The following MYT1L variants were observed in gnomAD, a reference collection of about 807,000 sequenced individuals.
The protein encoded by MYT1L is myelin transcription factor 1-like protein.
MYT1L carries 12 observed loss-of-function variants against 126.7 expected under a neutral mutation model. That is an observed-to-expected ratio of 0.09 (90% CI 0.06 to 0.15). MYT1L has a LOEUF of 0.15. Among genes scored for constraint, MYT1L ranks in the 10% least tolerant of loss-of-function variants. The pLI, the probability that MYT1L is intolerant of heterozygous loss-of-function variation, is 1.00. For synonymous variants in MYT1L, 541 were observed against 604.2 expected (o/e 0.90, Z 1.53); for missense variants, 979 against 1,585.2 (o/e 0.62, Z 6.49).
chr2:2,300,007 C>T (rs892513718), intron 1 of MYT1L, among the ~76,000 whole-genome samples: 1 of 152,140 alleles, frequency 6.6e-6, no homozygotes, highest in Non-Finnish European at 1.5e-5. Flanking sequence ...TTTAACCTGG[C>T]CTCAAGTTCG....
intron 2 of MYT1L, among the ~76,000 whole-genome samples, chr2:2,247,448 C>G (rs1027306542): frequency 6.6e-6 from 1 of 152,166 alleles, no homozygotes; most frequent in Non-Finnish European, 1.5e-5. Flanking sequence ...GACTTCAACA[C>G]CCCACTTTCA....
At chr2:2,081,873 G>A (rs1284697579) in intron 3 of MYT1L, among the ~76,000 whole-genome samples, 1 of 152,140 alleles carries the variant, frequency 6.6e-6, no homozygotes, top group Non-Finnish European at 1.5e-5. Flanking sequence ...CTGAGTAGAT[G>A]GGATTACAGG....
intron 3 of MYT1L, among the ~76,000 whole-genome samples, chr2:2,078,723 A>G (rs1466825266): frequency 1.3e-5 from 2 of 152,246 alleles, no homozygotes; most frequent in South Asian, 4.1e-4. Flanking sequence ...GATAGACAAT[A>G]AAAATAACTG....
chr2:1,885,907 T>A (rs1202529297), intron 18 of MYT1L, among the ~76,000 whole-genome samples: 1 of 152,128 alleles, frequency 6.6e-6, no homozygotes, highest in East Asian at 1.9e-4. Flanking sequence ...AGGAGGAAAA[T>A]CTCAGTGTTG....
intron 3 of MYT1L, among the ~76,000 whole-genome samples, chr2:2,095,541 C>T (rs534193261): frequency 6.6e-6 from 1 of 152,248 alleles, no homozygotes; most frequent in Non-Finnish European, 1.5e-5. Flanking sequence ...AGCTATCCTG[C>T]GAGCCCCCAC....
intron 18 of MYT1L, among the ~76,000 whole-genome samples, chr2:1,867,822 T>C (rs2148680973): frequency 6.6e-6 from 1 of 152,340 alleles, no homozygotes; most frequent in East Asian, 1.9e-4. Context: ...TTAGCTATTC[T>C]CCATTAATTT....
At chr2:2,061,758 G>C (rs2070538973) in intron 3 of MYT1L, among the ~76,000 whole-genome samples, 2 of 152,150 alleles carry the variant, frequency 1.3e-5, no homozygotes, top group Non-Finnish European at 2.9e-5. Context: ...TGGTCTGACA[G>C]GCTGCAACTG....
intron 4 of MYT1L, among the ~76,000 whole-genome samples, chr2:1,999,428 G>A (rs994036801): frequency 2.0e-5 from 3 of 152,158 alleles, no homozygotes; most frequent in Non-Finnish European, 2.9e-5. Flanking sequence ...AGGCAAGGTG[G>A]AGAGAAAGAA....
At chr2:2,065,274 A>G (rs1190223315) in intron 3 of MYT1L, among the ~76,000 whole-genome samples, 4 of 152,342 alleles carry the variant, frequency 2.6e-5, no homozygotes, top group Middle Eastern at 3.4e-3. Context: ...TTATAGCTAC[A>G]CTATTCAAAT....
intron 3 of MYT1L, among the ~76,000 whole-genome samples, chr2:2,169,023 T>C (rs1053433099): frequency 3.3e-5 from 5 of 152,218 alleles, no homozygotes; most frequent in African/African-American, 1.2e-4. Flanking sequence ...TTTAGTGATT[T>C]AGACACTTAT....
In MYT1L at chr2:2,158,549, G is replaced by T. The variant is rs76555183; in HGVS notation, c.-304+14323C>A. Among the ~76,000 whole-genome samples the T allele has an allele frequency of 7.9e-3, 1,201 of 152,092 alleles. 19 individuals are homozygous for T. The highest frequency in any genetic ancestry group is 0.028 in the African/African-American group (1,157 of 41,482). On this transcript the variant is annotated intron_variant, in intron 3 of 24. Coordinates refer to ENST00000647738, the MANE Select transcript of MYT1L (RefSeq NM_001303052.2). ...GTTGGTCACTGTCCTGAATCAAAAT[G>T]CAATTCATATCGGCACATGGCTCTT... is the stretch of plus-strand genomic sequence containing the variant.
intron 8 of MYT1L, among the ~76,000 whole-genome samples, chr2:1,950,500 G>A (rs756277198): frequency 6.7e-6 from 1 of 149,910 alleles, no homozygotes; most frequent in South Asian, 2.2e-4. Context: ...ACCAAGATGG[G>A]TGTGGGACAG....
intron 18 of MYT1L, among the ~76,000 whole-genome samples, chr2:1,860,946 C>T (rs946102621): frequency 5.9e-5 from 9 of 152,036 alleles, no homozygotes; most frequent in Non-Finnish European, 4.4e-5. Context: ...AGCACCACCA[C>T]GGCGACCACG....
chr2:1,837,917 G>C (rs4853755), intron 21 of MYT1L, among the ~76,000 whole-genome samples: 1 of 144,232 alleles, frequency 6.9e-6, no homozygotes, highest in Non-Finnish European at 1.5e-5. Flanking sequence ...TTGTTTGTTT[G>C]TTTGTTTTTA....
At chr2:1,934,038 G>C (rs748791382) in intron 9 of MYT1L, among the ~76,000 whole-genome samples, 1 of 145,714 alleles carries the variant, frequency 6.9e-6, no homozygotes, top group African/African-American at 2.6e-5. Context: ...GCAGTGGTGC[G>C]ATCTCGGCTC....
intron 9 of MYT1L, among the ~76,000 whole-genome samples, chr2:1,939,127 G>A (rs891494330): frequency 4.6e-5 from 7 of 152,218 alleles, no homozygotes; most frequent in African/African-American, 7.2e-5. Context: ...ACGACGCCCT[G>A]GTTTCTGCAC....
chr2:2,278,851 C>T (rs1057158192), intron 2 of MYT1L, among the ~76,000 whole-genome samples: 5 of 152,092 alleles, frequency 3.3e-5, no homozygotes, highest in African/African-American at 1.2e-4. Context: ...CCCCTTGAGC[C>T]CAAGGCCACA....
intron 4 of MYT1L, among the ~76,000 whole-genome samples, chr2:2,031,590 C>A (rs1251982230): frequency 4.3e-5 from 6 of 140,350 alleles, no homozygotes; most frequent in Admixed American, 7.0e-5. Flanking sequence ...CACCCCTCGC[C>A]AGTGCCTCTC....
chr2:1,923,618 G>A (rs538508276), intron 9 of MYT1L, among the ~76,000 whole-genome samples: 6 of 152,212 alleles, frequency 3.9e-5, no homozygotes, highest in Admixed American at 1.3e-4. Flanking sequence ...CTATAGCCTC[G>A]CCAGATGTGT....
Sources: gnomAD v4.1 joint callset for allele counts (sites outside exome capture counted in the v4.1 genomes callset) on GRCh38, gnomAD v4.1.1 for gene constraint, MANE v1.5 for transcripts, NCBI Gene and HGNC (gene_info 2026-07-23, HGNC 2026-07-21) for gene names.